Variants in LILRB5 observed in about 807,000 individuals in gnomAD.
LILRB5 encodes the protein leukocyte immunoglobulin like receptor B5, also known as leukocyte immunoglobulin-like receptor subfamily B member 5.
LILRB5 carries 61 observed loss-of-function variants against 68.4 expected under a neutral mutation model. The observed-to-expected ratio is 0.89, with a 90% confidence interval of 0.73 to 1.10. LILRB5 has a LOEUF of 1.10. Among genes scored for constraint, LILRB5 ranks in the 50% least tolerant of loss-of-function variants. The pLI, the probability that LILRB5 is intolerant of heterozygous loss-of-function variation, is 0.00. For synonymous variants in LILRB5, 356 were observed against 315.8 expected (o/e 1.13, Z -1.35); for missense variants, 771 against 751.6 (o/e 1.03, Z -0.30).
In LILRB5 at chr19:54,255,209, G is replaced by A. The variant is rs2079088772; in HGVS notation, c.952+77C>T. Reference sequence around the variant, plus strand: ...TGGGACCACCCCCCCGCCTCATCCCGGCCATCACTAATTGGATTCCCCCGG... The same window carrying A: ...TGGGACCACCCCCCCGCCTCATCCCAGCCATCACTAATTGGATTCCCCCGG... On this transcript the variant is annotated intron_variant, in intron 5 of 12. Transcript: ENST00000449561. 9.3e-6 allele frequency: 12 copies of A among 1,284,594 alleles called. No homozygotes were observed. In the South Asian group the frequency reaches 1.6e-4, roughly 17 times the overall value. 79.6% of individuals were successfully genotyped at this position (1,284,594 alleles called of 1,614,324 possible).
In LILRB5 at chr19:54,254,365, C is replaced by G; in HGVS notation, c.1306G>C (p.Ala436Pro). ...GAGCCCAGAGGCCTCAGTGACTCACCAGGTGTGGGGGTGGAGCCTGTAGGT... is the reference window on the plus strand; with the variant it reads ...GAGCCCAGAGGCCTCAGTGACTCACGAGGTGTGGGGGTGGAGCCTGTAGGT... Reference protein sequence around the residue: ...LSPTGSTPTPAGPEDQPLTPT... With the variant: ...LSPTGSTPTPPGPEDQPLTPT... Residue 436 changes from alanine (A) to proline (P), a missense_variant and splice_region_variant, in exon 7 of 13, where the codon GCA becomes CCA. Transcript: ENST00000449561. 1.3e-6 allele frequency: 2 copies of G among 1,577,330 alleles called. No individual in the cohort carries two copies. The highest frequency in any genetic ancestry group is 1.7e-6 in the Non-Finnish European group (2 of 1,161,656).
chr19:54,253,479 G>A (rs2079024467), intron 8 of LILRB5: 1 of 256,946 alleles, frequency 3.9e-6, no homozygotes, highest in African/African-American at 2.3e-5. Context: ...GTCTGGATAG[G>A]GGCTCTGTGT....
Position 54,252,506 on chromosome 19 carries a change from C to G in LILRB5, c.1518G>C (p.Lys506Asn). 1 of 1,614,144 alleles carries G rather than the reference C, an allele frequency of 6.2e-7. No homozygotes were observed. Among genetic ancestry groups the G allele is most frequent in the Non-Finnish European group, 8.5e-7 (1 of 1,180,026 alleles). ...ATTACCTCTTCTGCAGGCCCTGGTC[C>G]TTGGGCTCTGGCCCCGCAGCCCCTG... ...RPAGAAGPEP[K>N]DQGLQKRASP... Residue 506 changes from lysine to asparagine, a missense_variant, in exon 10 of 13, where the codon AAG becomes AAC. Lys to Asn is a moderately conservative substitution (Grantham distance 94). Transcript: ENST00000449561.
intron 4 of LILRB5, 127 bp from the exon 5 acceptor site, chr19:54,255,709 C>T (rs2079118638): frequency 1.1e-5 from 13 of 1,151,538 alleles, no homozygotes; most frequent in African/African-American, 1.6e-5. Flanking sequence ...ATCCCGGGGC[C>T]TCCTTCTCAC....
chr19:54,253,692 G>A (rs2079030157), intron 8 of LILRB5: 2 of 834,236 alleles, frequency 2.4e-6, no homozygotes, highest in South Asian at 1.6e-5. Context: ...GCTGGGAAGT[G>A]AACCCAGGAG....
At position 54,254,842 on chromosome 19, in the gene LILRB5, C is replaced by T; in HGVS notation, c.1148G>A (p.Ser383Asn). 6.2e-7 allele frequency: 1 copy of T among 1,614,128 alleles called. No individual in the cohort carries two copies. Among genetic ancestry groups the T allele is most frequent in the East Asian group, 2.2e-5 (1 of 44,872 alleles). ...TCCACCCTGGGCTGAGGTCACAGGA[C>T]TCATGGAGAATTCAGCCTGGTGTCT... is the stretch of plus-strand genomic sequence containing the variant. Reference protein sequence around the residue: ...SYRHQAEFSMSPVTSAQGGTY... With the variant: ...SYRHQAEFSMNPVTSAQGGTY... Residue 383 changes from serine (S) to asparagine (N), a missense_variant, in exon 6 of 13, where the codon AGT becomes AAT. Physicochemically the swap from Ser to Asn is conservative, Grantham distance 46. Coordinates refer to ENST00000449561, the MANE Select transcript of LILRB5 (RefSeq NM_001081442.3).
chr19:54,252,603 T>G lies in LILRB5; in HGVS notation c.1475-54A>C, dbSNP rs146282197. The G allele has an allele frequency of 4.1e-4, 645 of 1,591,992 alleles. 2 individuals are homozygous for G. The African/African-American group carries it at 7.7e-3, about 19-fold the overall frequency. On this transcript the variant is annotated intron_variant, in intron 9 of 12. Coordinates refer to ENST00000449561, the MANE Select transcript of LILRB5 (RefSeq NM_001081442.3). ...CTGGGAGAATTCGAACCAGCTGCCC[T>G]GCACACACAACTCGAGCGGAAAGAA... is the stretch of plus-strand genomic sequence containing the variant.
chr19:54,252,611 C>A (rs529560292), intron 9 of LILRB5, 62 bp from the exon 10 acceptor site: 2 of 1,578,844 alleles, frequency 1.3e-6, no homozygotes, highest in Non-Finnish European at 8.7e-7. Context: ...CCTGCACACA[C>A]AACTCGAGCG....
At chr19:54,252,448 C>T (rs764850667) in intron 10 of LILRB5, 38 bp downstream of exon 10, 22 of 1,613,734 alleles carry the variant, frequency 1.4e-5, no homozygotes, top group South Asian at 3.3e-5. Flanking sequence ...GGGGGCTGTG[C>T]GGGTGGATGG....
chr19:54,252,744 G>T, intron 9 of LILRB5, 127 bp downstream of exon 9: 2 of 1,066,104 alleles, frequency 1.9e-6, no homozygotes, highest in Non-Finnish European at 2.8e-6. Flanking sequence ...TTTCTCGATC[G>T]ATTTTTCACC....
At chr19:54,251,070 C>T in intron 12 of LILRB5, 138 bp from the exon 13 acceptor site, 4 of 1,557,712 alleles carry the variant, frequency 2.6e-6, no homozygotes, top group Non-Finnish European at 3.5e-6. Context: ...AGGAATTCCC[C>T]AGACAGTGGG....
chr19:54,254,372 G>A lies in LILRB5; in HGVS notation c.1299C>T (p.Pro433=). ...GAGGCCTCAGTGACTCACCAGGTGT[G>A]GGGGTGGAGCCTGTAGGTGAGAGGC... ...DPSLSPTGST[P]TPAGPEDQPL... The change falls in exon 7 of 13, where the codon CCC becomes CCT. Residue 433 remains proline, a synonymous_variant. Coordinates refer to ENST00000449561, the MANE Select transcript of LILRB5 (RefSeq NM_001081442.3). 1 of 1,581,300 alleles carries A rather than the reference G, an allele frequency of 6.3e-7. No homozygotes were observed. The highest frequency in any genetic ancestry group is 8.6e-7 in the Non-Finnish European group (1 of 1,163,762).
At position 54,255,915 on chromosome 19, in the gene LILRB5, C is replaced by T. The variant is rs991459287; in HGVS notation, c.655+128G>A. On this transcript the variant is annotated intron_variant, in intron 4 of 12. Transcript: ENST00000449561. Reference sequence around the variant, plus strand: ...CATCTGAGCCTCCCCGTGGGGTCTTCCTCACGCCTTCAGCCCATCCATCAA... The same window carrying T: ...CATCTGAGCCTCCCCGTGGGGTCTTTCTCACGCCTTCAGCCCATCCATCAA... 6 of 807,856 alleles carry T rather than the reference C, an allele frequency of 7.4e-6. No individual in the cohort carries two copies. The East Asian group carries it at 1.0e-4, about 14-fold the overall frequency. The allele number at this position is 807,856 out of a possible 1,614,324, so 50.0% of individuals were successfully genotyped here. A position where few individuals can be genotyped will look rare whatever the true frequency, so the allele number is the denominator to read the frequency against.
At chr19:54,255,806 G>C in intron 4 of LILRB5, 1 of 675,760 alleles carries the variant, frequency 1.5e-6, no homozygotes, top group South Asian at 2.0e-5. Context: ...TCCTCATTGA[G>C]GGACAGGAAA....
intron 7 of LILRB5, 75 bp from the exon 8 acceptor site, chr19:54,254,143 T>C: frequency 6.5e-7 from 1 of 1,546,420 alleles, no homozygotes; most frequent in South Asian, 1.2e-5. Context: ...TCCCCCAGGC[T>C]GGGCCCCAAC....
chr19:54,253,986 C>T lies in LILRB5; in HGVS notation c.1357+32G>A, dbSNP rs745443183. 31 of 1,569,518 alleles carry T rather than the reference C, an allele frequency of 2.0e-5. 1 individual carries two copies. The highest frequency in any genetic ancestry group is 8.2e-5 in the South Asian group (7 of 85,502). On this transcript the variant is annotated intron_variant, in intron 8 of 12. Coordinates refer to ENST00000449561, the MANE Select transcript of LILRB5 (RefSeq NM_001081442.3). Reference sequence around the variant, plus strand: ...ACCCACCCCTGCCTCCCCTGGTCTCCGCCCACCTCCCACTCAGAGCCCCTC... The same window carrying T: ...ACCCACCCCTGCCTCCCCTGGTCTCTGCCCACCTCCCACTCAGAGCCCCTC...
chr19:54,252,991 G>C lies in LILRB5; in HGVS notation c.1358-4C>G, dbSNP rs377427856. The C allele has an allele frequency of 1.3e-6, 2 of 1,544,856 alleles. No individual in the cohort carries two copies. The highest frequency in any genetic ancestry group is 1.7e-5 in the Admixed American group (1 of 57,186). On this transcript the variant is annotated splice_region_variant and splice_polypyrimidine_tract_variant and intron_variant, in intron 8 of 12. Transcript: ENST00000449561. ...ACCCCCAGGTGCCTTCCCAGACCTT[G>C]AGCGTGATGACGTTGGGAATGGGGA...
chr19:54,256,983 G>A lies in LILRB5; in HGVS notation c.48C>T (p.Gly16=). 1 of 1,614,198 alleles carries A rather than the reference G, an allele frequency of 6.2e-7. No individual in the cohort carries two copies. Among genetic ancestry groups the A allele is most frequent in the South Asian group, 1.1e-5 (1 of 91,084 alleles). Residue 16 remains glycine, a synonymous_variant, in exon 2 of 13, where the codon GGC becomes GGT. Transcript: ENST00000449561. The part of the protein sequence containing the change: ...SVLICLGLSV[G]PRTCVQAGTL... ...CACCTGCCTGCACGCAGGTCCTGGG[G>A]CCCACACTCAGCCCTGGAAGAGAGT...
intron 7 of LILRB5, 115 bp from the exon 8 acceptor site, chr19:54,254,183 G>C: frequency 6.6e-7 from 1 of 1,505,318 alleles, no homozygotes; most frequent in Middle Eastern, 1.8e-4. Context: ...CTCGACGCCC[G>C]CCCCCTCACC....
Sources: allele counts gnomAD v4.1 joint callset, GRCh38; gene constraint gnomAD v4.1.1; transcripts MANE v1.5; gene names NCBI Gene and HGNC (gene_info 2026-07-23, HGNC 2026-07-21).